Variants in LHFPL3 observed in about 807,000 individuals in gnomAD.
LHFPL3 encodes LHFPL tetraspan subfamily member 3.
In LHFPL3, 5 loss-of-function variants were observed where a neutral mutation model predicts 19.3. The observed-to-expected ratio is 0.26, with a 90% CI of 0.14 to 0.54. LHFPL3 has a LOEUF of 0.54. Among genes scored for constraint, LHFPL3 ranks in the 20% least tolerant of loss-of-function variants. LHFPL3 has a pLI of 0.94. For missense variants in LHFPL3, 249 were observed against 307.4 expected (o/e 0.81, Z 1.42); for synonymous variants, 133 against 126.2 (o/e 1.05, Z -0.36).
At chr7:104,608,330 G>C (rs1308172776) in intron 1 of LHFPL3, among the ~76,000 whole-genome samples, 7 of 152,040 alleles carry the variant, frequency 4.6e-5, no homozygotes, top group Admixed American at 3.9e-4. Context: ...AAAATGAAGA[G>C]TTCATGTCCT....
At position 104,427,391 on chromosome 7, in the gene LHFPL3, A is replaced by G. The variant is rs78372410; in HGVS notation, c.445+98167A>G. Among the ~76,000 whole-genome samples the G allele has an allele frequency of 9.9e-3, 1,507 of 152,368 alleles. 77 individuals are homozygous for G. In the East Asian group the frequency reaches 0.16, roughly 17 times the overall value. On this transcript the variant is annotated intron_variant, in intron 1 of 2. Coordinates refer to ENST00000424859, the MANE Select transcript of LHFPL3 (RefSeq NM_199000.3). ...CTCCTAAGAAATTAACAGTGAAGCCATCATAGAGCTTCCCTTATACATCCT... is the reference window on the plus strand; with the variant it reads ...CTCCTAAGAAATTAACAGTGAAGCCGTCATAGAGCTTCCCTTATACATCCT...
intron 1 of LHFPL3, among the ~76,000 whole-genome samples, chr7:104,518,599 C>G (rs1226890425): frequency 6.6e-6 from 1 of 152,156 alleles, no homozygotes; most frequent in Non-Finnish European, 1.5e-5. Context: ...GCCTGGCCAA[C>G]ATGGCGAAAC....
chr7:104,405,227 G>C (rs1046833102), intron 1 of LHFPL3, among the ~76,000 whole-genome samples: 1 of 152,110 alleles, frequency 6.6e-6, no homozygotes, highest in African/African-American at 2.4e-5. Context: ...CAGTACTACA[G>C]AATTATAGAC....
At chr7:104,554,549 C>T (rs927548952) in intron 1 of LHFPL3, among the ~76,000 whole-genome samples, 2 of 151,986 alleles carry the variant, frequency 1.3e-5, no homozygotes, top group Non-Finnish European at 2.9e-5. Context: ...ATCCTAATCC[C>T]TAATGTGATG....
In LHFPL3 at chr7:104,362,319, G is replaced by A. The variant is rs559228376; in HGVS notation, c.445+33095G>A. 3.9e-5 allele frequency among the ~76,000 whole-genome samples: 6 copies of A among 152,274 alleles called. No homozygotes were observed. The South Asian group carries it at 6.2e-4, about 16-fold the overall frequency. ...CGCTGTGTGGAATAAGCCTCAGACC[G>A]TCCTTCTGAAGGAGGCTGGAATTAG... On this transcript the variant is annotated intron_variant, in intron 1 of 2. Transcript: ENST00000424859.
intron 1 of LHFPL3, among the ~76,000 whole-genome samples, chr7:104,493,465 G>A (rs147115391): frequency 4.6e-5 from 7 of 151,834 alleles, no homozygotes; most frequent in East Asian, 3.9e-4. Flanking sequence ...CCTTTACAGC[G>A]CATGTATCTC....
intron 1 of LHFPL3, among the ~76,000 whole-genome samples, chr7:104,490,653 G>A (rs189129890): frequency 7.9e-5 from 12 of 151,836 alleles, no homozygotes; most frequent in East Asian, 1.9e-4. Flanking sequence ...CTAAAGCGAC[G>A]GATATCAACT....
chr7:104,736,271 A>C (rs970708806), intron 1 of LHFPL3, among the ~76,000 whole-genome samples: 1 of 152,222 alleles, frequency 6.6e-6, no homozygotes, highest in Non-Finnish European at 1.5e-5. Context: ...CTGCTGTCAT[A>C]GCTCCTCAAA....
rs920866759 is a variant in LHFPL3 at position 104,802,491 on chromosome 7, C to CAAAA, written c.682+65601_682+65604dup. Among the ~76,000 whole-genome samples, 309 of 65,484 alleles carry CAAAA rather than the reference C, an allele frequency of 4.7e-3. 2 individuals are homozygous for CAAAA. The highest frequency in any genetic ancestry group is 0.017 in the African/African-American group (286 of 16,900). 43.0% of individuals were successfully genotyped at this position (65,484 alleles called of 152,430 possible). On this transcript the variant is annotated intron_variant, in intron 2 of 2. Coordinates refer to ENST00000424859, the MANE Select transcript of LHFPL3 (RefSeq NM_199000.3). ...CTGGGCAAGAGAGCCAACCCTATCT[C>CAAAA]AAAAAAAAAAAAAAAAAAAAAAAAG...
At chr7:104,549,240 CTT>C (rs2115901833) in intron 1 of LHFPL3, among the ~76,000 whole-genome samples, 2 of 152,094 alleles carry the variant, frequency 1.3e-5, no homozygotes, top group East Asian at 3.9e-4. Flanking sequence ...AAGAGACTAA[CTT>C]CTCTCTTCTC....
intron 1 of LHFPL3, among the ~76,000 whole-genome samples, chr7:104,647,239 C>G (rs915750593): frequency 6.6e-6 from 1 of 152,118 alleles, no homozygotes; most frequent in African/African-American, 2.4e-5. Context: ...TCTTGAAAGC[C>G]TCTCCCTTTT....
intron 1 of LHFPL3, among the ~76,000 whole-genome samples, chr7:104,701,275 T>G (rs1268958171): frequency 6.6e-6 from 1 of 152,284 alleles, no homozygotes; most frequent in African/African-American, 2.4e-5. Context: ...GTTAACATTA[T>G]AGTTGACCCT....
chr7:104,832,345 T>G (rs1790968736), intron 2 of LHFPL3, among the ~76,000 whole-genome samples: 1 of 151,954 alleles, frequency 6.6e-6, no homozygotes. Flanking sequence ...GGACCTGGTT[T>G]TGCTCCCAGA....
intron 1 of LHFPL3, among the ~76,000 whole-genome samples, chr7:104,598,984 T>A (rs1414020059): frequency 6.6e-6 from 1 of 152,244 alleles, no homozygotes; most frequent in Non-Finnish European, 1.5e-5. Flanking sequence ...AAATAAAGTT[T>A]ACATTTTTAA....
chr7:104,821,857 G>T (rs531016419), intron 2 of LHFPL3, among the ~76,000 whole-genome samples: 2 of 152,320 alleles, frequency 1.3e-5, no homozygotes, highest in East Asian at 3.9e-4. Context: ...AATGCACTTT[G>T]CAAACATAGA....
chr7:104,543,151 CA>C (rs1794519930), intron 1 of LHFPL3, among the ~76,000 whole-genome samples: 2 of 151,930 alleles, frequency 1.3e-5, no homozygotes, highest in African/African-American at 4.8e-5. Flanking sequence ...TGGGGCCTGA[CA>C]GGGGGTGAGG....
At chr7:104,407,522 G>T (rs1313204778) in intron 1 of LHFPL3, among the ~76,000 whole-genome samples, 1 of 152,132 alleles carries the variant, frequency 6.6e-6, no homozygotes, top group African/African-American at 2.4e-5. Flanking sequence ...CAGGCATGGT[G>T]GTGCATGCAT....
intron 1 of LHFPL3, among the ~76,000 whole-genome samples, chr7:104,397,215 A>C (rs73179923): frequency 6.6e-6 from 1 of 152,100 alleles, no homozygotes; most frequent in Non-Finnish European, 1.5e-5. Context: ...AATTATATGA[A>C]TGCCATTAAA....
At chr7:104,480,145 C>T (rs565635951) in intron 1 of LHFPL3, among the ~76,000 whole-genome samples, 1 of 152,206 alleles carries the variant, frequency 6.6e-6, no homozygotes, top group African/African-American at 2.4e-5. Flanking sequence ...GAAGACAGAC[C>T]CCAGTGTGAA....
Sources: gnomAD v4.1 joint callset for allele counts (sites outside exome capture counted in the v4.1 genomes callset) on GRCh38, gnomAD v4.1.1 for gene constraint, MANE v1.5 for transcripts, NCBI Gene and HGNC (gene_info 2026-07-23, HGNC 2026-07-21) for gene names.